Variants in CHIC2 observed in about 807,000 individuals in gnomAD.
The protein encoded by CHIC2 is cysteine-rich hydrophobic domain-containing protein 2.
A neutral mutation model predicts 25.9 loss-of-function variants in CHIC2; 14 were observed. The ratio of observed to expected loss-of-function variants is 0.54; its 90% CI spans 0.36 to 0.85. The LOEUF (loss-of-function observed/expected upper bound fraction) is 0.85. Ranked by LOEUF, CHIC2 falls within the 40% of genes least tolerant of loss-of-function variation. The probability of loss-of-function intolerance (pLI) is 0.01; values close to 1 mark genes in which losing one functional copy is unlikely to be tolerated. For missense variants in CHIC2, 146 were observed against 202.0 expected (o/e 0.72, Z 1.68); for synonymous variants, 70 against 72.0 (o/e 0.97, Z 0.14).
intron 3 of CHIC2, among the ~76,000 whole-genome samples, chr4:54,027,943 T>C (rs761383334): frequency 5.3e-5 from 8 of 152,194 alleles, no homozygotes; most frequent in Non-Finnish European, 1.0e-4. Context: ...GCAAAGGCAA[T>C]ATATCAACTC....
chr4:54,035,405 A>C (rs922841184), intron 3 of CHIC2, among the ~76,000 whole-genome samples: 29 of 152,308 alleles, frequency 1.9e-4, no homozygotes, highest in African/African-American at 6.3e-4. Context: ...TTACAAATTC[A>C]ATTTACTTAA....
intron 3 of CHIC2, among the ~76,000 whole-genome samples, chr4:54,028,030 T>TAC (rs759477764): frequency 6.6e-6 from 1 of 152,206 alleles, no homozygotes; most frequent in Non-Finnish European, 1.5e-5. Flanking sequence ...TTACCTGCTT[T>TAC]ACAGTTTCTT....
chr4:54,034,438 G>A (rs1015800830), intron 3 of CHIC2, among the ~76,000 whole-genome samples: 19 of 151,690 alleles, frequency 1.3e-4, no homozygotes, highest in Admixed American at 9.8e-4. Flanking sequence ...TCTGACACAA[G>A]AACCAATATT....
chr4:54,031,296 G>C (rs1033668589), intron 3 of CHIC2, among the ~76,000 whole-genome samples: 2 of 151,908 alleles, frequency 1.3e-5, no homozygotes, highest in Non-Finnish European at 2.9e-5. Context: ...AGCAGTAGGA[G>C]CTCCTATTAC....
intron 1 of CHIC2, among the ~76,000 whole-genome samples, chr4:54,050,963 C>G (rs1056188333): frequency 3.9e-5 from 6 of 152,190 alleles, no homozygotes; most frequent in Middle Eastern, 3.4e-3. Context: ...CTGACCTTAT[C>G]TATTCTAAAG....
At chr4:54,076,009 G>A in the CHIC2 span, among the ~76,000 whole-genome samples, 1 of 151,776 alleles carries the variant, frequency 6.6e-6, no homozygotes, top group South Asian at 2.1e-4. Context: ...TACTCAGGCT[G>A]GGCATGGTGG....
At chr4:54,053,340 T>G (rs991919600) in intron 1 of CHIC2, among the ~76,000 whole-genome samples, 5 of 152,114 alleles carry the variant, frequency 3.3e-5, no homozygotes, top group African/African-American at 1.2e-4. Context: ...GTGGATCACC[T>G]GAGGTCAGGA....
Position 54,064,503 on chromosome 4 carries a change from T to C in CHIC2, c.-203A>G. 1 of 1,434,268 alleles carries C rather than the reference T, an allele frequency of 7.0e-7. No homozygotes were observed. The highest frequency in any genetic ancestry group is 9.1e-7 in the Non-Finnish European group (1 of 1,102,154). The allele number at this position is 1,434,268 out of a possible 1,614,324, so 88.8% of individuals were successfully genotyped here. The stretch of plus-strand genomic sequence containing the variant: ...GCCGCCACCGCCGCCGCCATTACCA[T>C]CAGCAATAACAACAACACAATGTCA... On this transcript the variant is annotated 5_prime_UTR_variant, in exon 1 of 6. The change abolishes an upstream ATG in the 5' untranslated region. Transcript: ENST00000263921. The surrounding 1 kb of genome is among the most constrained non-coding windows in gnomAD (Gnocchi z 4.2).
rs778591366 is a variant in CHIC2, at chr4:54,014,060, C to G, written c.387+3G>C. ...GTACGAAGCTGCTCCCTGTGGTACTCACCTTGTGGTATAACCTATTGTTTT... is the reference window on the plus strand; with the variant it reads ...GTACGAAGCTGCTCCCTGTGGTACTGACCTTGTGGTATAACCTATTGTTTT... On this transcript the variant is annotated splice_donor_region_variant and intron_variant, in intron 4 of 5. Coordinates refer to ENST00000263921, the MANE Select transcript of CHIC2 (RefSeq NM_012110.4). 24 of 1,613,264 alleles carry G rather than the reference C, an allele frequency of 1.5e-5. No homozygotes were observed. The South Asian group carries it at 2.6e-4, about 18-fold the overall frequency.
chr4:54,067,919 T>C (rs1012542019), upstream of CHIC2, among the ~76,000 whole-genome samples: 12 of 144,796 alleles, frequency 8.3e-5, no homozygotes, highest in South Asian at 2.3e-4. Flanking sequence ...CTGAATTTTG[T>C]CCCCCCCCCC....
chr4:54,059,687 A>G (rs1382277961), intron 1 of CHIC2: 4 of 152,290 alleles, frequency 2.6e-5, no homozygotes, highest in South Asian at 2.1e-4. Flanking sequence ...TAAGTATTCT[A>G]TTATAGAACA....
chr4:54,064,228 A>C lies in CHIC2; in HGVS notation c.73T>G (p.Tyr25Asp). Residue 25 changes from tyrosine (Y) to aspartate (D), a missense_variant, in exon 1 of 6, where the codon TAC (tyrosine) becomes GAC (aspartate). Transcript: ENST00000263921. This position sits in a 1 kb window ranked among gnomAD's most constrained non-coding sequence, Gnocchi z 4.2. ...ERALEEQLLKYSPDPVVVRGS... is the reference protein window; with the variant it reads ...ERALEEQLLKDSPDPVVVRGS... ...CGGACGACCACCGGGTCCGGCGAGTACTTGAGCAGCTGCTCCTCCAGGGCC... is the reference window on the plus strand; with the variant it reads ...CGGACGACCACCGGGTCCGGCGAGTCCTTGAGCAGCTGCTCCTCCAGGGCC... The C allele has an allele frequency of 6.2e-7, 1 of 1,608,948 alleles. No individual in the cohort carries two copies. Among genetic ancestry groups the C allele is most frequent in the Non-Finnish European group, 8.5e-7 (1 of 1,177,864 alleles).
chr4:54,087,065 A>G, the CHIC2 span: 2 of 1,117,088 alleles, frequency 1.8e-6, no homozygotes, highest in African/African-American at 3.1e-5. Context: ...CACAGCAGAA[A>G]AATCTTGAAC....
At chr4:54,049,761 A>T (rs1336341569) in intron 1 of CHIC2, among the ~76,000 whole-genome samples, 4 of 152,134 alleles carry the variant, frequency 2.6e-5, no homozygotes, top group Non-Finnish European at 5.9e-5. Context: ...AAGAGTGAGG[A>T]GGGGAAGAAT....
At chr4:54,042,320 G>T (rs568000174) in intron 3 of CHIC2, among the ~76,000 whole-genome samples, 2 of 152,218 alleles carry the variant, frequency 1.3e-5, no homozygotes, top group African/African-American at 4.8e-5. Context: ...TGTACTTTCA[G>T]AAACTACAGA....
chr4:54,031,157 T>C (rs1256903410), intron 3 of CHIC2, among the ~76,000 whole-genome samples: 1 of 147,842 alleles, frequency 6.8e-6, no homozygotes, highest in Non-Finnish European at 1.5e-5. Context: ...GGCCTGTCCT[T>C]TGCTCAGATT....
At chr4:54,051,983 A>G (rs1717018448) in intron 1 of CHIC2, among the ~76,000 whole-genome samples, 1 of 152,216 alleles carries the variant, frequency 6.6e-6, no homozygotes. Context: ...TCATCAGAGT[A>G]GTTGAAAACA....
intron 3 of CHIC2, among the ~76,000 whole-genome samples, chr4:54,028,404 A>G (rs1716124416): frequency 6.6e-6 from 1 of 152,228 alleles, no homozygotes. Context: ...GCTTAACTTT[A>G]TAAACTGGGA....
chr4:54,016,005 C>T (rs1715727875), intron 3 of CHIC2, among the ~76,000 whole-genome samples: 1 of 152,326 alleles, frequency 6.6e-6, no homozygotes, highest in Middle Eastern at 3.4e-3. Context: ...AAACCAATGG[C>T]AAAACCGATT....
Sources: gnomAD v4.1 joint callset for allele counts (sites outside exome capture counted in the v4.1 genomes callset) on GRCh38, gnomAD v4.1.1 for gene constraint, Gnocchi (gnomAD v3.1) non-coding constraint, MANE v1.5 for transcripts, NCBI Gene and HGNC (gene_info 2026-07-23, HGNC 2026-07-21) for gene names.